Variants in KCNN3 observed in about 807,000 individuals in gnomAD.
The protein encoded by KCNN3 is potassium calcium-activated channel subfamily N member 3, also known as small conductance calcium-activated potassium channel protein 3.
Under a neutral mutation model 62.9 loss-of-function variants are expected in KCNN3, and 16 were observed. The ratio of observed to expected loss-of-function variants is 0.25; its 90% CI spans 0.17 to 0.39. KCNN3 has a LOEUF of 0.39. Among genes scored for constraint, KCNN3 ranks in the 10% least tolerant of loss-of-function variants. The pLI, the probability that KCNN3 is intolerant of heterozygous loss-of-function variation, is 1.00. For missense variants in KCNN3, 599 were observed against 949.4 expected, an observed-to-expected ratio of 0.63 and a Z score of 4.85; for synonymous variants, 370 against 389.2, an observed-to-expected ratio of 0.95 and a Z score of 0.58.
intron 2 of KCNN3, among the ~76,000 whole-genome samples, chr1:154,802,343 C>T (rs1649993196): frequency 6.6e-6 from 1 of 152,198 alleles, no homozygotes; most frequent in Non-Finnish European, 1.5e-5. Flanking sequence ...GAGCTCAAGC[C>T]ACTACCCCGC....
At chr1:154,720,850 C>T (rs1398822865) in intron 5 of KCNN3, among the ~76,000 whole-genome samples, 4 of 152,090 alleles carry the variant, frequency 2.6e-5, no homozygotes, top group Non-Finnish European at 4.4e-5. Flanking sequence ...TCAAGAGTGG[C>T]GGGGCCGAGG....
chr1:154,826,142 G>A (rs1651119741), intron 1 of KCNN3, among the ~76,000 whole-genome samples: 1 of 151,488 alleles, frequency 6.6e-6, no homozygotes, highest in African/African-American at 2.4e-5. Flanking sequence ...GAGAATGGTT[G>A]ATGATAGACT....
intron 5 of KCNN3, 82 bp downstream of exon 5, chr1:154,725,834 C>T (rs1396060117): frequency 1.1e-5 from 11 of 1,014,944 alleles, no homozygotes; most frequent in Admixed American, 7.7e-5. Context: ...TGAGCCACTG[C>T]ACCCGTTGGA....
At chr1:154,826,549 T>C in intron 1 of KCNN3, among the ~76,000 whole-genome samples, 1 of 119,128 alleles carries the variant, frequency 8.4e-6, no homozygotes, top group South Asian at 2.3e-4. Flanking sequence ...CCAGGTTCCA[T>C]TGCCCCGCCT....
intron 1 of KCNN3, among the ~76,000 whole-genome samples, chr1:154,840,243 G>C (rs1191130478): frequency 6.6e-6 from 1 of 152,170 alleles, no homozygotes; most frequent in Non-Finnish European, 1.5e-5. Flanking sequence ...AGGATTTGGA[G>C]ACTGATTGGT....
intron 3 of KCNN3, among the ~76,000 whole-genome samples, chr1:154,745,008 G>T (rs987434889): frequency 6.6e-6 from 1 of 151,422 alleles, no homozygotes; most frequent in African/African-American, 2.4e-5. Context: ...AAATGGCTTT[G>T]AAGACTCAGG....
At chr1:154,799,896 C>T (rs1649887430) in intron 2 of KCNN3, among the ~76,000 whole-genome samples, 1 of 152,194 alleles carries the variant, frequency 6.6e-6, no homozygotes, top group Non-Finnish European at 1.5e-5. Flanking sequence ...GCTCTGCATC[C>T]CACGTTGGGA....
rs181830614 is a variant in KCNN3 at position 154,731,765 on chromosome 1, T to C, written c.1590+1238A>G. On this transcript the variant is annotated intron_variant, in intron 4 of 7. Transcript: ENST00000271915. ...GGACGGGGGGCTGTCCTTGGGAGGG[T>C]TGCGGTCTCCAGCCATGGAGACCCA... 5.4e-3 allele frequency among the ~76,000 whole-genome samples: 827 copies of C among 152,138 alleles called. 14 individuals are homozygous for C. Among genetic ancestry groups the C allele is most frequent in the African/African-American group, 0.019 (781 of 41,490 alleles).
chr1:154,794,665 C>G (rs529402200), intron 2 of KCNN3, among the ~76,000 whole-genome samples: 11 of 152,224 alleles, frequency 7.2e-5, no homozygotes, highest in African/African-American at 2.4e-4. Flanking sequence ...GTCCATGGAT[C>G]AACCATGGAC....
intron 2 of KCNN3, among the ~76,000 whole-genome samples, chr1:154,815,481 G>A (rs1436081236): frequency 6.6e-6 from 1 of 152,170 alleles, no homozygotes; most frequent in Non-Finnish European, 1.5e-5. Flanking sequence ...TGGCCACTTG[G>A]TGTTTCACAG....
intron 1 of KCNN3, among the ~76,000 whole-genome samples, chr1:154,863,997 C>T (rs1257258393): frequency 6.6e-6 from 1 of 152,228 alleles, no homozygotes; most frequent in Non-Finnish European, 1.5e-5. Context: ...GTCACCACCA[C>T]CCTGGGGCGG....
intron 2 of KCNN3, among the ~76,000 whole-genome samples, chr1:154,775,379 C>G (rs867766352): frequency 6.6e-6 from 1 of 152,138 alleles, no homozygotes; most frequent in Non-Finnish European, 1.5e-5. Flanking sequence ...GGAGGCAGCA[C>G]TAGGAGGCAA....
rs149269691 is a variant in KCNN3 at position 154,709,822 on chromosome 1, A to T, written c.1900-1550T>A. 7.2e-5 allele frequency among the ~76,000 whole-genome samples: 11 copies of T among 152,238 alleles called. No individual in the cohort carries two copies. The East Asian group carries it at 1.5e-3, about 21-fold the overall frequency. On this transcript the variant is annotated intron_variant, in intron 7 of 7. Coordinates refer to ENST00000271915, the MANE Select transcript of KCNN3 (RefSeq NM_002249.6). Reference sequence around the variant, plus strand: ...CTTCCCGGAATGTGCAAAATCACCCATTTCATTTGACCGCAGGGGCACCCT... The same window carrying T: ...CTTCCCGGAATGTGCAAAATCACCCTTTTCATTTGACCGCAGGGGCACCCT...
intron 2 of KCNN3, among the ~76,000 whole-genome samples, chr1:154,793,893 G>T (rs1649619464): frequency 6.6e-6 from 1 of 152,162 alleles, no homozygotes; most frequent in South Asian, 2.1e-4. Flanking sequence ...GGGTGGGAGA[G>T]CATCCGTCAT....
intron 3 of KCNN3, among the ~76,000 whole-genome samples, chr1:154,765,196 T>A (rs1648204858): frequency 6.6e-6 from 1 of 152,218 alleles, no homozygotes; most frequent in Non-Finnish European, 1.5e-5. Context: ...TCGATCTGCC[T>A]ACTCTGATCT....
intron 3 of KCNN3, among the ~76,000 whole-genome samples, chr1:154,745,638 C>T (rs751791043): frequency 1.3e-5 from 2 of 152,176 alleles, no homozygotes; most frequent in African/African-American, 2.4e-5. Context: ...TGAGGGAAGC[C>T]AGCTGCCATT....
At chr1:154,768,120 C>T (rs957099970) in intron 3 of KCNN3, among the ~76,000 whole-genome samples, 1 of 152,186 alleles carries the variant, frequency 6.6e-6, no homozygotes, top group African/African-American at 2.4e-5. Flanking sequence ...GTCACTTACC[C>T]TCTCTGATGC....
intron 1 of KCNN3, among the ~76,000 whole-genome samples, chr1:154,833,900 G>A (rs1276748154): frequency 6.6e-6 from 1 of 152,184 alleles, no homozygotes; most frequent in Non-Finnish European, 1.5e-5. Context: ...CAATACAAAA[G>A]CTTAAACATA....
At position 154,862,696 on chromosome 1, in the gene KCNN3, C is replaced by T. The variant is rs565116425; in HGVS notation, c.933+6336G>A. Among the ~76,000 whole-genome samples, 1 of 152,240 alleles carries T rather than the reference C, an allele frequency of 6.6e-6. No homozygotes were observed. The highest frequency in any genetic ancestry group is 2.1e-4 in the South Asian group (1 of 4,822). On this transcript the variant is annotated intron_variant, in intron 1 of 7. Transcript: ENST00000271915. This position sits in a 1 kb window ranked among gnomAD's most constrained non-coding sequence, Gnocchi z 4.1. ...CCAGTCCACAATCTCACCCTGATCCCAGGCCAACCTGGGGTGCCCACACTT... is the reference window on the plus strand; with the variant it reads ...CCAGTCCACAATCTCACCCTGATCCTAGGCCAACCTGGGGTGCCCACACTT...
Sources: gnomAD v4.1 joint callset for allele counts (sites outside exome capture counted in the v4.1 genomes callset) on GRCh38, gnomAD v4.1.1 for gene constraint, Gnocchi (gnomAD v3.1) non-coding constraint, MANE v1.5 for transcripts, NCBI Gene and HGNC (gene_info 2026-07-23, HGNC 2026-07-21) for gene names.